The following MPP4 variants were observed in gnomAD, a reference collection of about 807,000 sequenced individuals.
MPP4 encodes the protein MAGUK p55 subfamily member 4.
In MPP4, 91 loss-of-function variants were observed where a neutral mutation model predicts 98.3. That is an observed-to-expected ratio of 0.93 (90% CI 0.78 to 1.10). The LOEUF (loss-of-function observed/expected upper bound fraction) is 1.10. Among genes scored for constraint, MPP4 ranks in the 50% least tolerant of loss-of-function variants. MPP4 has a pLI of 0.00. For missense variants in MPP4, 744 were observed against 792.9 expected (o/e 0.94, Z 0.74); for synonymous variants, 261 against 271.8 (o/e 0.96, Z 0.39).
At position 201,675,283 on chromosome 2, in the gene MPP4, A is replaced by C. The variant is rs761003642; in HGVS notation, c.930-12T>G. On this transcript the variant is annotated splice_polypyrimidine_tract_variant and intron_variant, in intron 10 of 21. Coordinates refer to ENST00000409474, the MANE Select transcript of MPP4 (RefSeq NM_033066.3). ...ATTCCCGTTGCTTCCTATGGGGGGGAAAAAACCATGCGACAAAAAACAAAC... is the reference window on the plus strand; with the variant it reads ...ATTCCCGTTGCTTCCTATGGGGGGGCAAAAACCATGCGACAAAAAACAAAC... The C allele has an allele frequency of 3.1e-6, 5 of 1,599,376 alleles. No homozygotes were observed. Among genetic ancestry groups the C allele is most frequent in the South Asian group, 2.3e-5 (2 of 86,830 alleles).
intron 14 of MPP4, among the ~76,000 whole-genome samples, chr2:201,660,790 G>A (rs1445189872): frequency 1.3e-5 from 2 of 152,110 alleles, no homozygotes; most frequent in African/African-American, 2.4e-5. Flanking sequence ...TGGCCCAAGC[G>A]AGGGTCCTCA....
intron 14 of MPP4, among the ~76,000 whole-genome samples, chr2:201,662,526 T>C (rs1205574748): frequency 7.2e-6 from 1 of 139,586 alleles, no homozygotes. Context: ...AAAAAGTATA[T>C]ATATCAAAAT....
At chr2:201,691,040 A>T (rs141184183) in intron 3 of MPP4, among the ~76,000 whole-genome samples, 47 of 152,290 alleles carry the variant, frequency 3.1e-4, no homozygotes, top group Non-Finnish European at 6.3e-4. Flanking sequence ...ATTAGTGATG[A>T]TGCTGCTTCC....
Position 201,647,959 on chromosome 2 carries a change from G to A in MPP4, c.1585-134C>T, listed in dbSNP as rs1234965182. ...TAGCCTCAGCTTCCCAGGCTCAAAC[G>A]ATCCACCCATCTCAGCCTCCCAAGT... On this transcript the variant is annotated intron_variant, in intron 20 of 21. Coordinates refer to ENST00000409474, the MANE Select transcript of MPP4 (RefSeq NM_033066.3). The A allele has an allele frequency of 2.5e-5, 20 of 809,212 alleles. No homozygotes were observed. In the Admixed American group the frequency reaches 3.8e-4, roughly 15 times the overall value. The allele number at this position is 809,212 out of a possible 1,614,324, so 50.1% of individuals were successfully genotyped here.
intron 18 of MPP4, chr2:201,651,574 A>G (rs1687712926): frequency 1.0e-6 from 1 of 985,068 alleles, no homozygotes. Context: ...GTATTTTCTC[A>G]CTTTGAATGA....
At chr2:201,657,580 C>G (rs184567883) in intron 16 of MPP4, among the ~76,000 whole-genome samples, 2 of 107,596 alleles carry the variant, frequency 1.9e-5, no homozygotes, top group Admixed American at 1.9e-4. Context: ...CAGTGAGAAC[C>G]CTGGCCCTTG....
At position 201,681,057 on chromosome 2, in the gene MPP4, G is replaced by A. The variant is rs772515162; in HGVS notation, c.733-23C>T. ...CACCTGATGGCAGGTGCATAATGAC[G>A]CTATCAGAAGGTGCCTAATGGTGCC... On this transcript the variant is annotated intron_variant, in intron 9 of 21. Coordinates refer to ENST00000409474, the MANE Select transcript of MPP4 (RefSeq NM_033066.3). 1.6e-5 allele frequency: 25 copies of A among 1,598,688 alleles called. No homozygotes were observed. The East Asian group carries it at 1.8e-4, about 12-fold the overall frequency.
At chr2:201,678,162 G>A (rs546323831) in intron 10 of MPP4, among the ~76,000 whole-genome samples, 1 of 151,370 alleles carries the variant, frequency 6.6e-6, no homozygotes, top group African/African-American at 2.5e-5. Context: ...TTCTTTGTTT[G>A]TGTGCCCCCC....
At chr2:201,688,208 T>G (rs1434180707) in intron 4 of MPP4, among the ~76,000 whole-genome samples, 1 of 152,232 alleles carries the variant, frequency 6.6e-6, no homozygotes, top group Non-Finnish European at 1.5e-5. Flanking sequence ...ATTATATTTA[T>G]TCATTCATTC....
chr2:201,677,158 C>G (rs1276601090), intron 10 of MPP4, among the ~76,000 whole-genome samples: 1 of 152,122 alleles, frequency 6.6e-6, no homozygotes, highest in Non-Finnish European at 1.5e-5. Flanking sequence ...ATCTCTGTCT[C>G]TGTGTCTCTC....
intron 3 of MPP4, 74 bp from the exon 4 acceptor site, chr2:201,690,353 A>T: frequency 9.6e-7 from 1 of 1,038,212 alleles, no homozygotes; most frequent in Non-Finnish European, 1.5e-6. Context: ...AGACTCTCAA[A>T]GAGAAGAAAC....
chr2:201,678,390 T>C (rs560644699), intron 10 of MPP4, among the ~76,000 whole-genome samples: 20 of 152,120 alleles, frequency 1.3e-4, no homozygotes, highest in Admixed American at 1.3e-3. Flanking sequence ...CCACAGCAAA[T>C]CTTCAGCAAA....
chr2:201,665,123 T>C (rs1020656378), intron 13 of MPP4: 5 of 148,940 alleles, frequency 3.4e-5, no homozygotes, highest in Non-Finnish European at 6.0e-5. Context: ...TGGAGTGCAG[T>C]GGCGCAATCT....
chr2:201,683,080 C>A (rs1247412389), intron 7 of MPP4, among the ~76,000 whole-genome samples, 164 bp from the exon 8 acceptor site: 1 of 150,872 alleles, frequency 6.6e-6, no homozygotes, highest in Non-Finnish European at 1.5e-5. Flanking sequence ...ACTTACATCA[C>A]CCCCAGAAAT....
chr2:201,661,606 A>G (rs1335025078), intron 14 of MPP4: 2 of 455,792 alleles, frequency 4.4e-6, no homozygotes, highest in Non-Finnish European at 8.8e-6. Flanking sequence ...CCAAGGAACA[A>G]GATTTCACAA....
At chr2:201,694,372 G>A (rs527907703) in intron 1 of MPP4, among the ~76,000 whole-genome samples, 1 of 152,112 alleles carries the variant, frequency 6.6e-6, no homozygotes. Context: ...GCTCAGAAAA[G>A]TCTTGCGTGG....
chr2:201,674,961 A>G (rs1574622214), intron 11 of MPP4: 3 of 620,230 alleles, frequency 4.8e-6, no homozygotes. Flanking sequence ...TCAACTCCCT[A>G]TGATTTCGTC....
At chr2:201,691,444 ACTAT>A (rs1300803683) in intron 3 of MPP4, among the ~76,000 whole-genome samples, 1 of 152,178 alleles carries the variant, frequency 6.6e-6, no homozygotes, top group Non-Finnish European at 1.5e-5. Context: ...CTATTTTTCT[ACTAT>A]CTATTAGACG....
rs529244085 is a variant in MPP4, at chr2:201,680,545, C to T, written c.929+293G>A. 4 of 308,388 alleles carry T rather than the reference C, an allele frequency of 1.3e-5. No individual in the cohort carries two copies. In the East Asian group the frequency reaches 2.4e-4, roughly 19 times the overall value. 19.1% of individuals were successfully genotyped at this position (308,388 alleles called of 1,614,324 possible). ...TATTGCATTGGGGATTAGGTCTCAA[C>T]ATATGAATTTTGGAGAGGACACAAA... On this transcript the variant is annotated intron_variant, in intron 10 of 21. Coordinates refer to ENST00000409474, the MANE Select transcript of MPP4 (RefSeq NM_033066.3).
Sources: allele counts gnomAD v4.1 joint callset (sites outside exome capture counted in the v4.1 genomes callset), GRCh38; gene constraint gnomAD v4.1.1; transcripts MANE v1.5; gene names NCBI Gene and HGNC (gene_info 2026-07-23, HGNC 2026-07-21).